Variants in BTD observed in about 807,000 individuals in gnomAD.
BTD encodes biotinidase, also known as biocytinase.
Under a neutral mutation model 17.7 loss-of-function variants are expected in BTD, and 13 were observed. That is an observed-to-expected ratio of 0.74 (90% CI 0.48 to 1.17). The LOEUF is 1.17. Ranked by LOEUF, BTD falls within the 50% of genes most tolerant of loss-of-function variation. BTD has a pLI of 0.00. For missense variants in BTD, 674 were observed against 650.4 expected (o/e 1.04, Z -0.39); for synonymous variants, 240 against 245.2 (o/e 0.98, Z 0.20).
chr3:15,613,136 C>T (rs2064685027), intron 1 of BTD, among the ~76,000 whole-genome samples: 1 of 152,198 alleles, frequency 6.6e-6, no homozygotes. Flanking sequence ...TCACCTTTGT[C>T]ATATTCTATT....
Position 15,650,037 on chromosome 3 carries a change from G to T in BTD, c.*4549G>T, listed in dbSNP as rs1012340647. ...TGAGTCTTGGATTTGCATCTTTATC[G>T]TGACTCCACGGAGACCCACCCTCTA... is the stretch of plus-strand genomic sequence containing the variant. On this transcript the variant is annotated 3_prime_UTR_variant, in exon 4 of 4. Coordinates refer to ENST00000643237, the MANE Select transcript of BTD (RefSeq NM_001370658.1). Among the ~76,000 whole-genome samples the T allele has an allele frequency of 6.6e-6, 1 of 152,188 alleles. No homozygotes were observed. The highest frequency in any genetic ancestry group is 6.5e-5 in the Admixed American group (1 of 15,270).
At chr3:15,626,130 T>C (rs774479708) in intron 1 of BTD, among the ~76,000 whole-genome samples, 5 of 152,238 alleles carry the variant, frequency 3.3e-5, no homozygotes, top group Non-Finnish European at 7.3e-5. Flanking sequence ...TTTGAGTTTA[T>C]TTTTGTGTAT....
intron 3 of BTD, chr3:15,686,565 A>G (rs1281592233): frequency 6.3e-6 from 3 of 475,696 alleles, no homozygotes; most frequent in African/African-American, 2.0e-5. Context: ...TCTGCCTCTA[A>G]AAGAATGCTC....
upstream of BTD, chr3:15,601,530 C>A (rs746041859): frequency 6.2e-7 from 1 of 1,608,212 alleles, no homozygotes; most frequent in South Asian, 1.1e-5. Context: ...GCAAGGCAAA[C>A]GCGAAATCGG....
chr3:15,602,223 G>T (rs2064283142), intron 1 of BTD: 2 of 1,338,908 alleles, frequency 1.5e-6, no homozygotes, highest in South Asian at 3.6e-5. Context: ...AGAGTCAGTA[G>T]ATCCAGACCG....
chr3:15,718,648 C>A (rs886354951), intron 4 of BTD, among the ~76,000 whole-genome samples: 9 of 152,102 alleles, frequency 5.9e-5, no homozygotes, highest in African/African-American at 2.2e-4. Flanking sequence ...ACAGGAAGCC[C>A]AATCTCTACC....
At chr3:15,720,765 G>T (rs2073642766) in intron 4 of BTD, 2 of 736,524 alleles carry the variant, frequency 2.7e-6, no homozygotes, top group South Asian at 4.1e-5. Flanking sequence ...ATACTCTTGA[G>T]TAAGGCTTTC....
Position 15,620,187 on chromosome 3 carries a change from T to C in BTD, c.-16-15237T>C, listed in dbSNP as rs139647423. Reference sequence around the variant, plus strand: ...ACAGGGTTCAAGAGCAGAGAACCAGTCTGACCACGGATTTACCAGGGCTGA... The same window carrying C: ...ACAGGGTTCAAGAGCAGAGAACCAGCCTGACCACGGATTTACCAGGGCTGA... On this transcript the variant is annotated intron_variant, in intron 1 of 3. Transcript: ENST00000643237. 1.7e-3 allele frequency among the ~76,000 whole-genome samples: 258 copies of C among 152,274 alleles called. 1 individual carries two copies. Among genetic ancestry groups the C allele is most frequent in the Middle Eastern group, 6.8e-3 (2 of 294 alleles).
chr3:15,672,783 G>A (rs1235807805), intron 3 of BTD, among the ~76,000 whole-genome samples: 1 of 151,962 alleles, frequency 6.6e-6, no homozygotes, highest in Non-Finnish European at 1.5e-5. Context: ...TCTGCATGGG[G>A]GTTATTTTTT....
chr3:15,705,269 C>T (rs1463254816), intron 3 of BTD, among the ~76,000 whole-genome samples: 1 of 152,170 alleles, frequency 6.6e-6, no homozygotes, highest in Non-Finnish European at 1.5e-5. Flanking sequence ...GATTGGCTTA[C>T]AATGAAACCA....
rs2065739279 is a variant in BTD, at chr3:15,648,257, ATTTATATAGG to A, written c.*2770_*2779del. Among the ~76,000 whole-genome samples the A allele has an allele frequency of 8.8e-6, 1 of 113,578 alleles. No individual in the cohort carries two copies. The highest frequency in any genetic ancestry group is 3.3e-5 in the African/African-American group (1 of 30,474). 74.5% of individuals were successfully genotyped at this position (113,578 alleles called of 152,430 possible). A position where few individuals can be genotyped will look rare whatever the true frequency, so the allele number is the denominator to read the frequency against. On this transcript the variant is annotated 3_prime_UTR_variant, in exon 4 of 4. Transcript: ENST00000643237. ...AAAGAACAATTTCTCAACAAAGTGG[ATTTATATAGG>A]ACAAAATAGGCATAAAAGTATGAAA...
intron 3 of BTD, among the ~76,000 whole-genome samples, chr3:15,673,559 T>A (rs1443984872): frequency 2.0e-5 from 3 of 152,202 alleles, no homozygotes; most frequent in Non-Finnish European, 4.4e-5. Context: ...AAAAGCTTTA[T>A]GTAAAAAAAG....
At chr3:15,619,714 G>A (rs2064894566) in intron 1 of BTD, among the ~76,000 whole-genome samples, 1 of 152,142 alleles carries the variant, frequency 6.6e-6, no homozygotes, top group Admixed American at 6.5e-5. Context: ...AATTCTCTAG[G>A]GAGATACTGG....
chr3:15,680,485 G>A (rs996444872), intron 3 of BTD, among the ~76,000 whole-genome samples: 25 of 152,050 alleles, frequency 1.6e-4, no homozygotes, highest in African/African-American at 6.0e-4. Flanking sequence ...GGGATTACAG[G>A]TGTGAGCCAC....
intron 1 of BTD, among the ~76,000 whole-genome samples, chr3:15,627,142 A>C (rs1575000966): frequency 6.6e-6 from 1 of 152,274 alleles, no homozygotes; most frequent in East Asian, 1.9e-4. Context: ...CCTCCAACCG[A>C]ACACCCCTGA....
At chr3:15,659,552 G>A (rs919358135) in intron 3 of BTD, among the ~76,000 whole-genome samples, 5 of 152,194 alleles carry the variant, frequency 3.3e-5, no homozygotes, top group African/African-American at 9.7e-5. Flanking sequence ...GCTTTCTCTA[G>A]TAAAATTCTT....
chr3:15,607,108 C>CCCT (rs1335967239), intron 1 of BTD, among the ~76,000 whole-genome samples: 2 of 152,028 alleles, frequency 1.3e-5, no homozygotes, highest in African/African-American at 4.8e-5. Flanking sequence ...TTCTCAGAGG[C>CCCT]CCTCTGTGCA....
In BTD at chr3:15,647,133, A is replaced by T. The variant is rs1287326672; in HGVS notation, c.*1645A>T. Reference sequence around the variant, plus strand: ...GCCTTGGGTTCCCCACGCCCTAGGAAGTCCCTCTGGAAGGGGAGCAGGACC... The same window carrying T: ...GCCTTGGGTTCCCCACGCCCTAGGATGTCCCTCTGGAAGGGGAGCAGGACC... On this transcript the variant is annotated 3_prime_UTR_variant, in exon 4 of 4. Coordinates refer to ENST00000643237, the MANE Select transcript of BTD (RefSeq NM_001370658.1). The T allele has an allele frequency of 6.6e-6, 1 of 152,266 alleles. No homozygotes were observed. The highest frequency in any genetic ancestry group is 1.5e-5 in the Non-Finnish European group (1 of 68,082). 9.4% of individuals were successfully genotyped at this position (152,266 alleles called of 1,614,324 possible). A position where few individuals can be genotyped will look rare whatever the true frequency, so the allele number is the denominator to read the frequency against.
At chr3:15,641,752 C>T (rs962190702) in intron 2 of BTD, among the ~76,000 whole-genome samples, 156 bp from the exon 3 acceptor site, 7 of 152,142 alleles carry the variant, frequency 4.6e-5, no homozygotes, top group Non-Finnish European at 8.8e-5. Context: ...AGACTAAGAT[C>T]TCTGAGGAGA....
Sources: gnomAD v4.1 joint callset for allele counts (sites outside exome capture counted in the v4.1 genomes callset) on GRCh38, gnomAD v4.1.1 for gene constraint, MANE v1.5 for transcripts, NCBI Gene and HGNC (gene_info 2026-07-23, HGNC 2026-07-21) for gene names.